DCHS2: variants seen among roughly 807,000 people sequenced by gnomAD.
DCHS2 encodes protocadherin-23.
DCHS2 carries 142 observed loss-of-function variants against 182.4 expected under a neutral mutation model. The ratio of observed to expected loss-of-function variants is 0.78; its 90% CI spans 0.68 to 0.89. The LOEUF is 0.89. DCHS2 is among the 40% of genes least tolerant of loss of function. DCHS2 has a pLI of 0.00. For missense variants in DCHS2, 4,319 were observed against 4,198.6 expected (o/e 1.03, Z -0.79); for synonymous variants, 1,740 against 1,663.3 (o/e 1.05, Z -1.12).
At chr4:154,274,707 G>T (rs1733754646) in intron 13 of DCHS2, among the ~76,000 whole-genome samples, 1 of 152,038 alleles carries the variant, frequency 6.6e-6, no homozygotes, top group South Asian at 2.1e-4. Context: ...AAGAAAGGAG[G>T]TTAAAAAGGG....
intron 13 of DCHS2, among the ~76,000 whole-genome samples, chr4:154,281,830 C>T (rs1019729897): frequency 1.3e-5 from 2 of 152,074 alleles, no homozygotes; most frequent in Admixed American, 6.5e-5. Context: ...TAAAGACAGA[C>T]ATATAGACTA....
chr4:154,258,973 G>A (rs1214159872), intron 15 of DCHS2, among the ~76,000 whole-genome samples: 1 of 152,126 alleles, frequency 6.6e-6, no homozygotes, highest in Non-Finnish European at 1.5e-5. Context: ...TTCAATAGTG[G>A]AGGGAAAGAT....
chr4:154,333,258 C>G lies in DCHS2; in HGVS notation c.2950G>C (p.Asp984His). The G allele has an allele frequency of 6.2e-7, 1 of 1,614,220 alleles. No homozygotes were observed. The highest frequency in any genetic ancestry group is 8.5e-7 in the Non-Finnish European group (1 of 1,180,038). The change falls in exon 5 of 20, where the codon GAT (aspartate) becomes CAT (histidine). Residue 984 changes from aspartate to histidine, a missense_variant. Asp to His is a moderately conservative substitution (Grantham distance 81). Transcript: ENST00000357232. ...GTGGTCTGGGATATTCTAATCTCAT[C>G]CGAGGTCCTGAGGAACGCTGGGTGG... The part of the protein sequence containing the change: ...DNHPAFLRTS[D>H]EIRISQTTPP...
chr4:154,420,837 T>C (rs1294787701), intron 1 of DCHS2, among the ~76,000 whole-genome samples: 1 of 152,130 alleles, frequency 6.6e-6, no homozygotes, highest in Non-Finnish European at 1.5e-5. Flanking sequence ...AAATTAACCA[T>C]CACACCCTCA....
intron 13 of DCHS2, among the ~76,000 whole-genome samples, chr4:154,280,102 T>C (rs1253862745): frequency 6.6e-6 from 1 of 152,042 alleles, no homozygotes; most frequent in Admixed American, 6.5e-5. Flanking sequence ...TGAACAATTA[T>C]ACAGCAAAAA....
chr4:154,490,494 C>T lies in DCHS2; in HGVS notation c.862G>A (p.Asp288Asn), dbSNP rs1296218696. ...AAGACCGGCGGGTTGTCGTTCTCAT[C>T]CAGCACGCGCAGCTCCACGCTCAGG... Reference protein sequence around the residue: ...GLLSVELRVLDENDNPPVFEQ... With the variant: ...GLLSVELRVLNENDNPPVFEQ... The change falls in exon 1 of 20, where the codon GAT (aspartate) becomes AAT (asparagine). Residue 288 changes from aspartate (D) to asparagine (N), a missense_variant. Transcript: ENST00000357232. 6.5e-7 allele frequency: 1 copy of T among 1,537,044 alleles called. No homozygotes were observed. The highest frequency in any genetic ancestry group is 1.4e-5 in the African/African-American group (1 of 73,168).
At position 154,232,272 on chromosome 4, in the gene DCHS2, T is replaced by C. The variant is rs2111067578; in HGVS notation, c.*2264A>G. On this transcript the variant is annotated 3_prime_UTR_variant, in exon 20 of 20. Transcript: ENST00000357232. ...TTGAAAGAGCTGACATACGATTTATTGCAAACACTTAACCAGCGTGTTCAC... is the reference window on the plus strand; with the variant it reads ...TTGAAAGAGCTGACATACGATTTATCGCAAACACTTAACCAGCGTGTTCAC... 6.6e-6 allele frequency: 1 copy of C among 152,282 alleles called. No individual in the cohort carries two copies. Among genetic ancestry groups the C allele is most frequent in the East Asian group, 1.9e-4 (1 of 5,192 alleles). 9.4% of individuals were successfully genotyped at this position (152,282 alleles called of 1,614,324 possible).
chr4:154,481,682 G>A (rs1035780646), intron 1 of DCHS2, among the ~76,000 whole-genome samples: 1 of 152,186 alleles, frequency 6.6e-6, no homozygotes, highest in South Asian at 2.1e-4. Context: ...TCCTGGATAT[G>A]CATCATCTCA....
intron 12 of DCHS2, among the ~76,000 whole-genome samples, chr4:154,302,330 C>T (rs1034215142): frequency 2.6e-5 from 4 of 152,206 alleles, no homozygotes; most frequent in African/African-American, 4.8e-5. Context: ...CAGCGCCTTG[C>T]GCTCCCTGTG....
At chr4:154,316,653 G>A (rs759658082) in intron 9 of DCHS2, among the ~76,000 whole-genome samples, 16 of 152,024 alleles carry the variant, frequency 1.1e-4, no homozygotes, top group South Asian at 2.1e-4. Context: ...GCATGGTGGC[G>A]GGTGCCTGTA....
intron 1 of DCHS2, among the ~76,000 whole-genome samples, chr4:154,454,643 C>G (rs576593328): frequency 6.6e-6 from 1 of 152,158 alleles, no homozygotes; most frequent in Non-Finnish European, 1.5e-5. Context: ...TATGACCCCC[C>G]TCCCATTCAT....
chr4:154,473,644 G>C (rs1200784316), intron 1 of DCHS2, among the ~76,000 whole-genome samples: 1 of 152,184 alleles, frequency 6.6e-6, no homozygotes, highest in Non-Finnish European at 1.5e-5. Context: ...TTGACAGAGA[G>C]GGGTGCTAGC....
At chr4:154,472,392 G>C (rs543843740) in intron 1 of DCHS2, among the ~76,000 whole-genome samples, 59 of 152,280 alleles carry the variant, frequency 3.9e-4, no homozygotes, top group African/African-American at 1.3e-3. Context: ...TGAGACAATT[G>C]TCAGTATATC....
intron 1 of DCHS2, among the ~76,000 whole-genome samples, chr4:154,439,817 A>G (rs1733926163): frequency 6.6e-6 from 1 of 152,230 alleles, no homozygotes; most frequent in South Asian, 2.1e-4. Flanking sequence ...ATGACCACAA[A>G]CAATATTTCA....
chr4:154,240,719 A>G lies in DCHS2; in HGVS notation c.7177T>C (p.Phe2393Leu), dbSNP rs1731777203. ...ACTCCAGTGTTCTGATCAATAGCAA[A>G]CTTGGTTCCAGGATTACTCTCTTTG... ...FAKESNPGTK[F>L]AIDQNTGVVV... The change falls in exon 18 of 20, where the codon TTT becomes CTT. Residue 2393 changes from phenylalanine (F) to leucine (L), a missense_variant. Transcript: ENST00000357232. The G allele has an allele frequency of 1.2e-6, 2 of 1,613,942 alleles. No homozygotes were observed. Among genetic ancestry groups the G allele is most frequent in the Non-Finnish European group, 8.5e-7 (1 of 1,179,902 alleles).
chr4:154,268,493 T>C (rs1002497106), intron 14 of DCHS2, among the ~76,000 whole-genome samples: 18 of 152,194 alleles, frequency 1.2e-4, no homozygotes, highest in African/African-American at 4.3e-4. Flanking sequence ...TGAGATTTCA[T>C]CACACTACTC....
At chr4:154,283,946 T>C (rs992153659) in intron 13 of DCHS2, among the ~76,000 whole-genome samples, 23 of 152,326 alleles carry the variant, frequency 1.5e-4, no homozygotes, top group African/African-American at 5.1e-4. Flanking sequence ...ATCCAGAGCC[T>C]GCATGTGTTC....
chr4:154,468,122 T>A (rs1435977732), intron 1 of DCHS2, among the ~76,000 whole-genome samples: 1 of 152,116 alleles, frequency 6.6e-6, no homozygotes, highest in African/African-American at 2.4e-5. Flanking sequence ...AAAGGATTAT[T>A]AAATATGGGC....
intron 1 of DCHS2, among the ~76,000 whole-genome samples, chr4:154,489,038 G>A (rs139448998): frequency 1.3e-5 from 2 of 152,094 alleles, no homozygotes; most frequent in Non-Finnish European, 2.9e-5. Context: ...ACATCCAGCA[G>A]GAAAGAAATC....
Sources: allele counts gnomAD v4.1 joint callset (sites outside exome capture counted in the v4.1 genomes callset), GRCh38; gene constraint gnomAD v4.1.1; transcripts MANE v1.5; gene names NCBI Gene and HGNC (gene_info 2026-07-23, HGNC 2026-07-21).